Variants in GABRG1 observed in about 807,000 individuals in gnomAD.
The protein encoded by GABRG1 is gamma-aminobutyric acid receptor subunit gamma-1.
A neutral mutation model predicts 49.8 loss-of-function variants in GABRG1; 49 were observed. The ratio of observed to expected loss-of-function variants is 0.98; its 90% CI spans 0.78 to 1.25. The LOEUF (loss-of-function observed/expected upper bound fraction) is 1.25, where lower values mean the gene tolerates loss of function less well. Ranked by LOEUF, GABRG1 falls within the 50% of genes most tolerant of loss-of-function variation. GABRG1 has a pLI of 0.00. For synonymous variants in GABRG1, 232 were observed against 185.1 expected (o/e 1.25, Z -2.06); for missense variants, 552 against 552.3 (o/e 1.00, Z 0.01).
At chr4:46,123,093 T>G (rs910761096) in intron 1 of GABRG1, among the ~76,000 whole-genome samples, 1 of 84,804 alleles carries the variant, frequency 1.2e-5, no homozygotes, top group Non-Finnish European at 2.4e-5. Context: ...CTCTGTCCCA[T>G]ACACACAAAC....
rs992993659 is a variant in GABRG1 at position 46,072,423 on chromosome 4, C to G, written c.322-6839G>C. 4.6e-5 allele frequency among the ~76,000 whole-genome samples: 7 copies of G among 152,132 alleles called. No individual in the cohort carries two copies. In the East Asian group the frequency reaches 9.7e-4, roughly 21 times the overall value. Reference sequence around the variant, plus strand: ...GAGCTATTAACAGTAGGAATAGACACCCATGGATTGAGAACGCTTTTATAA... The same window carrying G: ...GAGCTATTAACAGTAGGAATAGACAGCCATGGATTGAGAACGCTTTTATAA... On this transcript the variant is annotated intron_variant, in intron 3 of 8. Transcript: ENST00000295452.
chr4:46,093,051 A>G (rs1297992350), intron 2 of GABRG1, among the ~76,000 whole-genome samples: 2 of 147,786 alleles, frequency 1.4e-5, no homozygotes, highest in African/African-American at 5.0e-5. Context: ...CCTGGGCAAC[A>G]ACAGCGAAAC....
intron 7 of GABRG1, among the ~76,000 whole-genome samples, chr4:46,052,504 C>A (rs1718267655): frequency 6.6e-6 from 1 of 151,770 alleles, no homozygotes; most frequent in African/African-American, 2.4e-5. Context: ...GCATGTATAC[C>A]TGGGATGTCC....
chr4:46,112,889 A>G lies in GABRG1; in HGVS notation c.104+10921T>C, dbSNP rs556279311. 2.0e-5 allele frequency among the ~76,000 whole-genome samples: 3 copies of G among 151,136 alleles called. No homozygotes were observed. In the East Asian group the frequency reaches 5.9e-4, roughly 30 times the overall value. ...TTCAAAGCTCAGCATCCTGGAATAT[A>G]CACAGGTAAAAAATCTGCACATGCA... On this transcript the variant is annotated intron_variant, in intron 1 of 8. Coordinates refer to ENST00000295452, the MANE Select transcript of GABRG1 (RefSeq NM_173536.4).
intron 3 of GABRG1, among the ~76,000 whole-genome samples, chr4:46,072,803 A>T (rs1442752240): frequency 1.3e-5 from 2 of 152,190 alleles, no homozygotes; most frequent in East Asian, 1.9e-4. Flanking sequence ...TGTGCGATGA[A>T]TTTTTTAATT....
chr4:46,121,388 T>A (rs1721086292), intron 1 of GABRG1, among the ~76,000 whole-genome samples: 2 of 151,946 alleles, frequency 1.3e-5, no homozygotes, highest in Non-Finnish European at 1.5e-5. Flanking sequence ...GGATAAAAAG[T>A]TCACCCAACT....
Position 46,097,251 on chromosome 4 carries a change from A to C in GABRG1, c.203T>G (p.Leu68Arg). 1.6e-5 allele frequency: 25 copies of C among 1,611,090 alleles called. No individual in the cohort carries two copies. The highest frequency in any genetic ancestry group is 2.1e-5 in the Non-Finnish European group (25 of 1,178,146). Residue 68 changes from leucine to arginine, a missense_variant, in exon 2 of 9, where the codon CTG becomes CGG. Transcript: ENST00000295452. Reference sequence around the variant, plus strand: ...GTCATAGCCTTGAAGCAATGAATTCAGAATTTGTGTGATATCTCCTTCATG... The same window carrying C: ...GTCATAGCCTTGAAGCAATGAATTCCGAATTTGTGTGATATCTCCTTCATG... ...KIHEGDITQI[L>R]NSLLQGYDNK... is the part of the protein sequence containing the mutation.
chr4:46,068,456 C>A (rs1309900003), intron 3 of GABRG1, among the ~76,000 whole-genome samples: 1 of 152,028 alleles, frequency 6.6e-6, no homozygotes, highest in African/African-American at 2.4e-5. Flanking sequence ...TCTTTAAAAT[C>A]CCTGATTCTG....
chr4:46,059,211 T>C (rs1718573990), intron 5 of GABRG1, among the ~76,000 whole-genome samples: 1 of 152,160 alleles, frequency 6.6e-6, no homozygotes, highest in African/African-American at 2.4e-5. Context: ...GTATTTTCTG[T>C]TGGCTATAAC....
chr4:46,116,057 G>A (rs1720875212), intron 1 of GABRG1, among the ~76,000 whole-genome samples: 2 of 150,802 alleles, frequency 1.3e-5, no homozygotes, highest in South Asian at 2.1e-4. Context: ...AAATAAAACA[G>A]TATAGCTTGC....
At chr4:46,057,854 TC>T (rs1718510185) in intron 7 of GABRG1, among the ~76,000 whole-genome samples, 1 of 152,082 alleles carries the variant, frequency 6.6e-6, no homozygotes, top group Non-Finnish European at 1.5e-5. Context: ...TATTAGTGAC[TC>T]AGCTATAACA....
At chr4:46,075,546 G>A (rs986769233) in intron 3 of GABRG1, among the ~76,000 whole-genome samples, 3 of 151,912 alleles carry the variant, frequency 2.0e-5, no homozygotes, top group East Asian at 3.9e-4. Flanking sequence ...TACTGTATCC[G>A]AATCCCCTGG....
chr4:46,058,906 T>C (rs1432331032), intron 5 of GABRG1, among the ~76,000 whole-genome samples: 1 of 152,096 alleles, frequency 6.6e-6, no homozygotes, highest in Non-Finnish European at 1.5e-5. Context: ...CTCCCCAATC[T>C]AGAGGTAATA....
At chr4:46,101,734 T>C (rs1246143020) in intron 1 of GABRG1, among the ~76,000 whole-genome samples, 1 of 151,728 alleles carries the variant, frequency 6.6e-6, no homozygotes, top group Non-Finnish European at 1.5e-5. Context: ...ATAACTTTTT[T>C]AACAATAAGA....
At chr4:46,114,008 G>A (rs919154052) in intron 1 of GABRG1, among the ~76,000 whole-genome samples, 1 of 150,868 alleles carries the variant, frequency 6.6e-6, no homozygotes, top group African/African-American at 2.4e-5. Context: ...TTTTCAAAGG[G>A]TAGGAAAAAT....
intron 2 of GABRG1, among the ~76,000 whole-genome samples, chr4:46,087,103 G>A (rs1229040595): frequency 1.3e-5 from 2 of 151,348 alleles, no homozygotes; most frequent in Non-Finnish European, 3.0e-5. Context: ...TAATATCCCT[G>A]GCTGGTTTAG....
At chr4:46,106,340 C>T (rs1295377710) in intron 1 of GABRG1, among the ~76,000 whole-genome samples, 2 of 151,318 alleles carry the variant, frequency 1.3e-5, no homozygotes, top group Admixed American at 1.3e-4. Flanking sequence ...TCACTGGGTC[C>T]CAGGGGATAC....
intron 5 of GABRG1, among the ~76,000 whole-genome samples, chr4:46,060,960 G>T (rs762230639): frequency 3.9e-5 from 6 of 152,040 alleles, no homozygotes; most frequent in Non-Finnish European, 8.8e-5. Flanking sequence ...AATATTAGAT[G>T]CAGATGGCTG....
At chr4:46,117,895 T>C (rs1720967925) in intron 1 of GABRG1, among the ~76,000 whole-genome samples, 1 of 5,438 alleles carries the variant, frequency 1.8e-4, no homozygotes, top group Non-Finnish European at 2.7e-4. Flanking sequence ...TCTATATACA[T>C]ATATACATAT....
Sources: gnomAD v4.1 joint callset for allele counts (sites outside exome capture counted in the v4.1 genomes callset) on GRCh38, gnomAD v4.1.1 for gene constraint, MANE v1.5 for transcripts, NCBI Gene and HGNC (gene_info 2026-07-23, HGNC 2026-07-21) for gene names.